The following ACOT11 variants were observed in gnomAD, a reference collection of about 807,000 sequenced individuals.
The protein encoded by ACOT11 is acyl-CoA thioesterase 11, also known as acyl-coenzyme A thioesterase 11.
In ACOT11, 69 loss-of-function variants were observed where a neutral mutation model predicts 77.5. The observed-to-expected ratio is 0.89, with a 90% CI of 0.73 to 1.09. ACOT11 has a LOEUF of 1.09. Among genes scored for constraint, ACOT11 ranks in the 50% least tolerant of loss-of-function variants. The pLI, the probability that ACOT11 is intolerant of heterozygous loss-of-function variation, is 0.00. For missense variants in ACOT11, 766 were observed against 813.7 expected (o/e 0.94, Z 0.71); for synonymous variants, 279 against 313.0 (o/e 0.89, Z 1.15).
Position 54,607,392 on chromosome 1 carries a change from C to G in ACOT11, c.1502+127C>G. 1 of 1,406,646 alleles carries G rather than the reference C, an allele frequency of 7.1e-7. No individual in the cohort carries two copies. The highest frequency in any genetic ancestry group is 9.7e-7 in the Non-Finnish European group (1 of 1,029,850). 87.1% of individuals were successfully genotyped at this position (1,406,646 alleles called of 1,614,324 possible). On this transcript the variant is annotated intron_variant, in intron 14 of 15. Coordinates refer to ENST00000343744, the MANE Select transcript of ACOT11 (RefSeq NM_147161.4). This position sits in a 1 kb window ranked among gnomAD's most constrained non-coding sequence, Gnocchi z 4.5. ...CTGCTTCCCATTGGCTGTGGGGCCC[C>G]AGGCACCACTAGACTTTTCTGGGCT...
chr1:54,562,537 G>A lies in ACOT11; in HGVS notation c.33+14195G>A, dbSNP rs1399812268. ...CCCGGATGGGGCGGCTGGCCGGGCG[G>A]GGGGCTGACCCACCCCCCACCTCCC... On this transcript the variant is annotated intron_variant, in intron 1 of 15. Coordinates refer to ENST00000343744, the MANE Select transcript of ACOT11 (RefSeq NM_147161.4). 1.1e-3 allele frequency among the ~76,000 whole-genome samples: 111 copies of A among 96,890 alleles called. 3 individuals are homozygous for A. Among genetic ancestry groups the A allele is most frequent in the African/African-American group, 4.1e-3 (100 of 24,480 alleles). 63.6% of individuals were successfully genotyped at this position (96,890 alleles called of 152,430 possible).
At chr1:54,594,983 A>G (rs904278051) in intron 6 of ACOT11, among the ~76,000 whole-genome samples, 1 of 152,240 alleles carries the variant, frequency 6.6e-6, no homozygotes, top group Non-Finnish European at 1.5e-5. Context: ...GTTTGGGAAG[A>G]TAGTATTGAG....
exon 17 of ACOT11, chr1:54,638,489 C>T (rs1186947917): frequency 6.6e-6 from 1 of 152,110 alleles, no homozygotes; most frequent in East Asian, 1.9e-4. Context: ...TTCCAAGTAG[C>T]TGGGATTACA....
intron 16 of ACOT11, among the ~76,000 whole-genome samples, chr1:54,632,957 G>A (rs535204648): frequency 6.6e-6 from 1 of 152,202 alleles, no homozygotes; most frequent in East Asian, 1.9e-4. Flanking sequence ...TACAACAATG[G>A]GGAGCACAAG....
rs397790655 is a variant in ACOT11, at chr1:54,628,605, C to CA, written c.1630-2123dup. On this transcript the variant is annotated intron_variant, in intron 15 of 16. Coordinates refer to the ACOT11 transcript ENST00000371316. Reference sequence around the variant, plus strand: ...GCAAGACCCCATCGCCCCCCCCCCCCAAAAAAGGAAAAAAGAAACCCATTT... The same window carrying CA: ...GCAAGACCCCATCGCCCCCCCCCCCCAAAAAAAGGAAAAAAGAAACCCATTT... Among the ~76,000 whole-genome samples, 32 of 112,558 alleles carry CA rather than the reference C, an allele frequency of 2.8e-4. 2 individuals are homozygous for CA. The highest frequency in any genetic ancestry group is 1.4e-3 in the East Asian group (5 of 3,536). 73.8% of individuals were successfully genotyped at this position (112,558 alleles called of 152,430 possible). A position where few individuals can be genotyped will look rare whatever the true frequency, so the allele number is the denominator to read the frequency against.
At chr1:54,560,170 G>A (rs1653413861) in intron 1 of ACOT11, among the ~76,000 whole-genome samples, 1 of 152,154 alleles carries the variant, frequency 6.6e-6, no homozygotes, top group South Asian at 2.1e-4. Flanking sequence ...AGAGACAGAG[G>A]GAGGTACAAA....
intron 1 of ACOT11, among the ~76,000 whole-genome samples, chr1:54,560,977 C>T (rs188912163): frequency 1.7e-3 from 259 of 152,098 alleles, no homozygotes; most frequent in African/African-American, 6.2e-3. Flanking sequence ...CCCACCTCGG[C>T]CTCCCAAAGT....
intron 15 of ACOT11, among the ~76,000 whole-genome samples, chr1:54,624,412 G>A (rs1432167148): frequency 6.6e-6 from 1 of 152,162 alleles, no homozygotes; most frequent in African/African-American, 2.4e-5. Flanking sequence ...GGCTTGTCGT[G>A]GGTCATTCCT....
At chr1:54,552,968 C>T (rs1470629932) in intron 1 of ACOT11, among the ~76,000 whole-genome samples, 1 of 151,576 alleles carries the variant, frequency 6.6e-6, no homozygotes, top group African/African-American at 2.4e-5. Context: ...GCTGGGATTA[C>T]AGGCATGTGC....
chr1:54,577,557 T>TTATTCATTAATGGATATA (rs1557653728), intron 1 of ACOT11, among the ~76,000 whole-genome samples: 2 of 150,744 alleles, frequency 1.3e-5, no homozygotes. Context: ...ATATTACAAT[T>TTATTCATTAATGGATATA]TATTCATTTA....
At position 54,629,567 on chromosome 1, in the gene ACOT11, C is replaced by G. The variant is rs560792193; in HGVS notation, c.1630-1167C>G. Among the ~76,000 whole-genome samples the G allele has an allele frequency of 9.8e-5, 13 of 132,464 alleles. 3 individuals carry two copies. The highest frequency in any genetic ancestry group is 2.6e-4 in the African/African-American group (10 of 39,130). 86.9% of individuals were successfully genotyped at this position (132,464 alleles called of 152,430 possible). ...TCCTAAAGGGCTGGGATTACAGGCG[C>G]GAGCCCCCGTGCCCGGCCTGTTTTT... is the stretch of plus-strand genomic sequence containing the variant. On this transcript the variant is annotated intron_variant, in intron 15 of 16. Transcript: ENST00000371316.
In ACOT11 at chr1:54,602,678, C is replaced by T. The variant is rs138616777; in HGVS notation, c.1039C>T (p.Arg347Trp). The change falls in exon 10 of 16, where the codon CGG (arginine) becomes TGG (tryptophan). Residue 347 changes from arginine to tryptophan, a missense_variant. Transcript: ENST00000343744. ...WIRPQPGDGE[R>W]RYREASARKK... ...CCGACTTCCTCCCCAGGATGGTGAG[C>T]GGCGGTACCGAGAGGCCAGTGCCAG... is the stretch of plus-strand genomic sequence containing the variant. The T allele has an allele frequency of 1.1e-4, 176 of 1,548,542 alleles. No homozygotes were observed. The highest frequency in any genetic ancestry group is 3.4e-4 in the Middle Eastern group (2 of 5,872).
intron 1 of ACOT11, chr1:54,572,975 C>T: frequency 1.0e-6 from 1 of 985,448 alleles, no homozygotes; most frequent in Non-Finnish European, 1.2e-6. Context: ...TTGCAATTTC[C>T]TCACTGACAG....
chr1:54,571,859 G>T (rs1653939290), intron 1 of ACOT11, among the ~76,000 whole-genome samples: 1 of 152,148 alleles, frequency 6.6e-6, no homozygotes, highest in Admixed American at 6.5e-5. Context: ...GAGTGGGGAG[G>T]TGCTGCTGGG....
At chr1:54,555,367 C>T (rs923643080) in intron 1 of ACOT11, among the ~76,000 whole-genome samples, 1 of 152,072 alleles carries the variant, frequency 6.6e-6, no homozygotes. Context: ...TTTCATATAC[C>T]TGGTGGACAT....
At chr1:54,601,091 A>T (rs1211675703) in intron 8 of ACOT11, among the ~76,000 whole-genome samples, 178 bp from the exon 9 acceptor site, 1 of 150,600 alleles carries the variant, frequency 6.6e-6, no homozygotes, top group Non-Finnish European at 1.5e-5. Context: ...GTGTGTGCAT[A>T]CATGTGTGTG....
At chr1:54,565,311 T>C (rs1653699124) in intron 1 of ACOT11, among the ~76,000 whole-genome samples, 1 of 152,178 alleles carries the variant, frequency 6.6e-6, no homozygotes, top group Non-Finnish European at 1.5e-5. Flanking sequence ...TGCAGTGAGC[T>C]CTTTTCCTAT....
intron 15 of ACOT11, 74 bp from the exon 16 acceptor site, chr1:54,608,883 C>T: frequency 1.4e-6 from 2 of 1,458,610 alleles, no homozygotes; most frequent in South Asian, 1.2e-5. Context: ...CAGCCTCGTG[C>T]CCACTGGGCT....
intron 1 of ACOT11, among the ~76,000 whole-genome samples, chr1:54,569,675 G>T (rs300278): frequency 0.39 from 59,862 of 152,068 alleles, 12,941 homozygotes; most frequent in Non-Finnish European, 0.51. Flanking sequence ...AGCAGGAATT[G>T]TTATTGTTGA....
Sources: allele counts gnomAD v4.1 joint callset (sites outside exome capture counted in the v4.1 genomes callset), GRCh38; gene constraint gnomAD v4.1.1; non-coding constraint Gnocchi (gnomAD v3.1); transcripts MANE v1.5; gene names NCBI Gene and HGNC (gene_info 2026-07-23, HGNC 2026-07-21).